TCN2: variants seen among roughly 807,000 people sequenced by gnomAD.
The protein encoded by TCN2 is transcobalamin-2.
A neutral mutation model predicts 48.6 loss-of-function variants in TCN2; 34 were observed. The ratio of observed to expected loss-of-function variants is 0.70; its 90% confidence interval spans 0.53 to 0.93. The LOEUF (loss-of-function observed/expected upper bound fraction) is 0.93, where lower values mean the gene tolerates loss of function less well. TCN2 is among the 40% of genes least tolerant of loss of function. TCN2 has a pLI of 0.00. For missense variants in TCN2, 652 were observed against 526.1 expected, an observed-to-expected ratio of 1.24 and a Z score of -2.34; for synonymous variants, 283 against 212.5, an observed-to-expected ratio of 1.33 and a Z score of -2.89.
rs1569046206 is a variant in TCN2, at chr22:30,623,715, G to GACACACATATATATGTATACATATATAT, written c.1222+652_1222+679dup. On this transcript the variant is annotated intron_variant, in intron 8 of 8. Coordinates refer to ENST00000215838, the MANE Select transcript of TCN2 (RefSeq NM_000355.4). ...TATATATGAAATATATATATATACA[G>GACACACATATATATGTATACATATATAT]ACACACATATATATGTATACATATA... 1.3e-4 allele frequency among the ~76,000 whole-genome samples: 13 copies of GACACACATATATATGTATACATATATAT among 103,030 alleles called. 1 individual carries two copies. The highest frequency in any genetic ancestry group is 2.8e-4 in the South Asian group (1 of 3,570). 67.6% of individuals were successfully genotyped at this position (103,030 alleles called of 152,430 possible).
rs547639160 is a variant in TCN2, at chr22:30,619,514, G to A, written c.1106+2019G>A. On this transcript the variant is annotated intron_variant, in intron 7 of 8. Transcript: ENST00000215838. ...GTTTGAGAATGAGCATGTCTGGACT[G>A]TTGTTTGACAGGTCCTGTCCATGAT... Among the ~76,000 whole-genome samples the A allele has an allele frequency of 8.5e-5, 13 of 152,352 alleles. 1 individual carries two copies. The South Asian group carries it at 2.7e-3, about 32-fold the overall frequency.
intron 7 of TCN2, among the ~76,000 whole-genome samples, chr22:30,622,666 ACAT>A (rs1334803369): frequency 1.3e-5 from 2 of 152,126 alleles, no homozygotes; most frequent in African/African-American, 2.4e-5. Context: ...ATCCCCCATA[ACAT>A]CAGCCCCCCA....
At chr22:30,616,717 C>T (rs1346750741) in intron 6 of TCN2, among the ~76,000 whole-genome samples, 1 of 152,138 alleles carries the variant, frequency 6.6e-6, no homozygotes, top group Non-Finnish European at 1.5e-5. Context: ...ACAAGAATCA[C>T]TTGAACCTGG....
At chr22:30,615,860 G>C in intron 6 of TCN2, 73 bp downstream of exon 6, 1 of 1,584,752 alleles carries the variant, frequency 6.3e-7, no homozygotes, top group Non-Finnish European at 8.7e-7. Context: ...AGTGAGGGGA[G>C]GTTGCTTCAT....
chr22:30,618,628 G>C lies in TCN2; in HGVS notation c.1106+1133G>C, dbSNP rs901883850. On this transcript the variant is annotated intron_variant, in intron 7 of 8. Coordinates refer to ENST00000215838, the MANE Select transcript of TCN2 (RefSeq NM_000355.4). ...GGCCTCCCAAAGTGCTGGGATTACAGGCATGGGCCTCCGTGCCCGGCCATG... is the reference window on the plus strand; with the variant it reads ...GGCCTCCCAAAGTGCTGGGATTACACGCATGGGCCTCCGTGCCCGGCCATG... Among the ~76,000 whole-genome samples the C allele has an allele frequency of 3.3e-5, 5 of 152,146 alleles. 1 individual carries two copies. The South Asian group carries it at 8.3e-4, about 25-fold the overall frequency.
In TCN2 at chr22:30,615,747, C is replaced by T; in HGVS notation, c.900C>T (p.Thr300=). The change falls in exon 6 of 9, where the codon ACC becomes ACT. Residue 300 remains threonine (T), a synonymous_variant. Coordinates refer to ENST00000215838, the MANE Select transcript of TCN2 (RefSeq NM_000355.4). Reference sequence around the variant, plus strand: ...TGCTGCCCGTTCTGAACCACAAGACCTACATTGATCTGATCTTCCCAGACT... The same window carrying T: ...TGCTGCCCGTTCTGAACCACAAGACTTACATTGATCTGATCTTCCCAGACT... The part of the protein sequence containing the change: ...SQLLPVLNHK[T]YIDLIFPDCL... 2 of 1,614,238 alleles carry T rather than the reference C, an allele frequency of 1.2e-6. No individual in the cohort carries two copies. Among genetic ancestry groups the T allele is most frequent in the Non-Finnish European group, 1.7e-6 (2 of 1,180,058 alleles).
intron 2 of TCN2, 92 bp from the exon 3 acceptor site, chr22:30,612,781 T>G: frequency 6.5e-7 from 1 of 1,539,126 alleles, no homozygotes; most frequent in Non-Finnish European, 8.9e-7. Context: ...GTTAAGATTT[T>G]TTCCCGCTTT....
At chr22:30,617,776 A>C in intron 7 of TCN2, 1 of 474,664 alleles carries the variant, frequency 2.1e-6, no homozygotes, top group Non-Finnish European at 3.9e-6. Flanking sequence ...CAATTCACCG[A>C]GGAGAACAGT....
At chr22:30,622,797 A>G (rs1360954374) in intron 7 of TCN2, among the ~76,000 whole-genome samples, 171 bp from the exon 8 acceptor site, 3 of 152,204 alleles carry the variant, frequency 2.0e-5, no homozygotes, top group East Asian at 1.9e-4. Flanking sequence ...TCTGGAGGGG[A>G]AGGAGGTGGA....
intron 8 of TCN2, among the ~76,000 whole-genome samples, chr22:30,625,830 C>G (rs34886169): frequency 0.066 from 9,982 of 152,116 alleles, 418 homozygotes; most frequent in Non-Finnish European, 0.095. Context: ...TCCCAAAGGC[C>G]CTAAGGCCTC....
intron 8 of TCN2, among the ~76,000 whole-genome samples, chr22:30,624,337 G>A (rs895842068): frequency 2.6e-5 from 4 of 151,984 alleles, no homozygotes; most frequent in Non-Finnish European, 2.9e-5. Context: ...GCCTCCCAAA[G>A]TGCTGGGATT....
At chr22:30,611,846 A>T (rs2087546516) in intron 2 of TCN2, among the ~76,000 whole-genome samples, 2 of 152,202 alleles carry the variant, frequency 1.3e-5, no homozygotes, top group African/African-American at 4.8e-5. Flanking sequence ...AAGAGGCATC[A>T]CAGAGAGGCC....
At chr22:30,612,768 A>G in intron 2 of TCN2, 105 bp from the exon 3 acceptor site, 1 of 1,436,866 alleles carries the variant, frequency 7.0e-7, no homozygotes, top group Middle Eastern at 2.4e-4. Context: ...AAAGTTTCCC[A>G]CTGTTAAGAT....
In TCN2 at chr22:30,607,198, C is replaced by A. The variant is rs558821085; in HGVS notation, c.-134C>A. On this transcript the variant is annotated 5_prime_UTR_variant, in exon 1 of 9. Transcript: ENST00000215838. ...TGCAGACTTAGCCGTGCATTGCAGGCATGGAGGATTAATCAGTGACAGGAA... is the reference window on the plus strand; with the variant it reads ...TGCAGACTTAGCCGTGCATTGCAGGAATGGAGGATTAATCAGTGACAGGAA... The A allele has an allele frequency of 1.3e-5, 13 of 977,104 alleles. No homozygotes were observed. In the South Asian group the frequency reaches 1.7e-4, roughly 13 times the overall value. The allele number at this position is 977,104 out of a possible 1,614,324, so 60.5% of individuals were successfully genotyped here.
At chr22:30,622,728 G>A (rs1185569256) in intron 7 of TCN2, among the ~76,000 whole-genome samples, 2 of 152,200 alleles carry the variant, frequency 1.3e-5, no homozygotes, top group African/African-American at 4.8e-5. Context: ...CCCCTTTCCT[G>A]GAGGCCATGG....
At position 30,624,003 on chromosome 22, in the gene TCN2, T is replaced by TGTATACATATATACACAC. The variant is rs2087761922; in HGVS notation, c.1222+920_1222+921insGTATACATATATACACAC. 1.5e-4 allele frequency among the ~76,000 whole-genome samples: 18 copies of TGTATACATATATACACAC among 116,432 alleles called. 5 individuals carry two copies. The highest frequency in any genetic ancestry group is 2.8e-4 in the Non-Finnish European group (16 of 57,380). The allele number at this position is 116,432 out of a possible 152,430, so 76.4% of individuals were successfully genotyped here. On this transcript the variant is annotated intron_variant, in intron 8 of 8. Transcript: ENST00000215838. Reference sequence around the variant, plus strand: ...ATGTATACATATATACACACATATATATGTATACATATATACACACATATA... The same window carrying TGTATACATATATACACAC: ...ATGTATACATATATACACACATATATGTATACATATATACACACATGTATACATATATACACACATATA...
At chr22:30,614,215 A>T in intron 3 of TCN2, 134 bp from the exon 4 acceptor site, 1 of 1,192,430 alleles carries the variant, frequency 8.4e-7, no homozygotes, top group South Asian at 1.4e-5. Flanking sequence ...GTATGGGCTG[A>T]GGCAATGAAG....
At chr22:30,613,096 T>C in intron 3 of TCN2, 54 bp downstream of exon 3, 1 of 1,599,546 alleles carries the variant, frequency 6.3e-7, no homozygotes, top group East Asian at 2.3e-5. Context: ...GCTCATCAGA[T>C]GATATTCTCC....
intron 8 of TCN2, among the ~76,000 whole-genome samples, chr22:30,624,711 C>T (rs771904541): frequency 3.9e-5 from 6 of 152,114 alleles, no homozygotes; most frequent in Non-Finnish European, 8.8e-5. Flanking sequence ...CCCCCTCTGC[C>T]CTTGAGTCTA....
Sources: allele counts gnomAD v4.1 joint callset (sites outside exome capture counted in the v4.1 genomes callset), GRCh38; gene constraint gnomAD v4.1.1; transcripts MANE v1.5; gene names NCBI Gene and HGNC (gene_info 2026-07-23, HGNC 2026-07-21).